The following SPAG9 variants were observed in gnomAD, a reference collection of about 807,000 sequenced individuals.
SPAG9 encodes sperm associated antigen 9.
In SPAG9, 35 loss-of-function variants were observed where a neutral mutation model predicts 166.5. That is an observed-to-expected ratio of 0.21 (90% CI 0.16 to 0.28). The LOEUF (loss-of-function observed/expected upper bound fraction) is 0.28, where lower values mean the gene tolerates loss of function less well. Ranked by LOEUF, SPAG9 falls within the 10% of genes least tolerant of loss-of-function variation. The pLI is 1.00. For synonymous variants in SPAG9, 534 were observed against 565.5 expected (o/e 0.94, Z 0.79); for missense variants, 1,235 against 1,603.3 (o/e 0.77, Z 3.92).
chr17:51,031,686 G>C lies in SPAG9; in HGVS notation c.778C>G (p.Gln260Glu). The C allele has an allele frequency of 1.9e-6, 3 of 1,550,846 alleles. No individual in the cohort carries two copies. Among genetic ancestry groups the C allele is most frequent in the Non-Finnish European group, 2.6e-6 (3 of 1,146,342 alleles). Residue 260 changes from glutamine (Q) to glutamate (E), a missense_variant, in exon 6 of 30, where the codon CAG becomes GAG. Physicochemically the swap from Gln to Glu is conservative, Grantham distance 29. This residue lies in a region of SPAG9 where 288 missense variants were observed against 323.7 expected (regional missense o/e 0.89). Coordinates refer to ENST00000262013, the MANE Select transcript of SPAG9 (RefSeq NM_001130528.3). ...NSPEPQKAVEQEDELSDVSQG... is the reference protein window; with the variant it reads ...NSPEPQKAVEEEDELSDVSQG... Reference sequence around the variant, plus strand: ...TTAAGAAGCACCATTCTCACCTCCTGTTCTACAGCCTTCTGAGGTTCAGGA... The same window carrying C: ...TTAAGAAGCACCATTCTCACCTCCTCTTCTACAGCCTTCTGAGGTTCAGGA...
intron 6 of SPAG9, among the ~76,000 whole-genome samples, chr17:51,024,216 C>T (rs1186675515): frequency 1.3e-5 from 2 of 152,010 alleles, no homozygotes; most frequent in African/African-American, 4.8e-5. Context: ...GCTGAGATCG[C>T]ACCACCGCAC....
Position 51,095,021 on chromosome 17 carries a change from C to T in SPAG9, c.304-15317G>A, listed in dbSNP as rs372321440. Among the ~76,000 whole-genome samples the T allele has an allele frequency of 5.3e-5, 8 of 152,200 alleles. No homozygotes were observed. The South Asian group carries it at 1.5e-3, about 28-fold the overall frequency. On this transcript the variant is annotated intron_variant, in intron 1 of 29. Coordinates refer to ENST00000262013, the MANE Select transcript of SPAG9 (RefSeq NM_001130528.3). Reference sequence around the variant, plus strand: ...AATAAGAAGTGGTGGCCAGGCTGGGCGCGGTGGCTGACGCCTGTAATCCCA... The same window carrying T: ...AATAAGAAGTGGTGGCCAGGCTGGGTGCGGTGGCTGACGCCTGTAATCCCA...
chr17:51,107,772 G>A (rs968720960), intron 1 of SPAG9, among the ~76,000 whole-genome samples: 22 of 150,786 alleles, frequency 1.5e-4, no homozygotes, highest in Non-Finnish European at 2.8e-4. Context: ...AATAATAGAT[G>A]TTGCATGTGG....
intron 2 of SPAG9, among the ~76,000 whole-genome samples, chr17:51,067,981 T>C (rs529481016): frequency 2.0e-5 from 3 of 152,296 alleles, no homozygotes; most frequent in Middle Eastern, 6.8e-3. Context: ...TCCATCTCTG[T>C]TGTCTTCTGC....
At chr17:51,039,038 A>G (rs1276109365) in intron 5 of SPAG9, among the ~76,000 whole-genome samples, 1 of 152,180 alleles carries the variant, frequency 6.6e-6, no homozygotes, top group African/African-American at 2.4e-5. Flanking sequence ...CTTTACAATC[A>G]CTGGCAAATC....
At chr17:51,088,187 T>C (rs2144674092) in intron 1 of SPAG9, among the ~76,000 whole-genome samples, 1 of 152,306 alleles carries the variant, frequency 6.6e-6, no homozygotes, top group East Asian at 1.9e-4. Flanking sequence ...AAAGAAAAAC[T>C]TGTCATAGTT....
At chr17:51,051,761 A>G (rs893764166) in intron 3 of SPAG9, among the ~76,000 whole-genome samples, 3 of 152,186 alleles carry the variant, frequency 2.0e-5, no homozygotes, top group Non-Finnish European at 2.9e-5. Context: ...CCTGGCTTCA[A>G]ATCTAGTCAC....
intron 9 of SPAG9, among the ~76,000 whole-genome samples, chr17:51,011,287 T>G (rs906362164): frequency 6.7e-6 from 1 of 149,762 alleles, no homozygotes; most frequent in Non-Finnish European, 1.5e-5. Context: ...CGTAGTGAGA[T>G]CTCACCTCAA....
intron 1 of SPAG9, among the ~76,000 whole-genome samples, chr17:51,089,993 T>TA (rs2048421913): frequency 6.6e-6 from 1 of 151,620 alleles, no homozygotes; most frequent in South Asian, 2.1e-4. Context: ...ACTATTTTTT[T>TA]AAAAAAGAGA....
At chr17:50,981,774 T>C (rs1438981742) in intron 25 of SPAG9, among the ~76,000 whole-genome samples, 1 of 150,446 alleles carries the variant, frequency 6.6e-6, no homozygotes, top group African/African-American at 2.4e-5. Context: ...GGCTCATGCC[T>C]TAACCCCAGG....
intron 9 of SPAG9, among the ~76,000 whole-genome samples, chr17:51,011,116 A>G (rs543887358): frequency 5.9e-5 from 9 of 152,254 alleles, no homozygotes; most frequent in African/African-American, 1.7e-4. Context: ...GGGATGAGAC[A>G]CCAATCAAGA....
At chr17:51,096,347 TCAAAAAAAAA>T (rs1326197092) in intron 1 of SPAG9, among the ~76,000 whole-genome samples, 6 of 149,478 alleles carry the variant, frequency 4.0e-5, no homozygotes, top group East Asian at 2.0e-4. Context: ...AGACTCTGTC[TCAAAAAAAAA>T]CAAAAAAAAG....
chr17:51,065,105 T>C (rs1296235109), intron 2 of SPAG9, among the ~76,000 whole-genome samples: 1 of 152,124 alleles, frequency 6.6e-6, no homozygotes, highest in Non-Finnish European at 1.5e-5. Context: ...CCTGGGCAAC[T>C]AGAACAAAAT....
chr17:50,998,441 T>TA lies in SPAG9; in HGVS notation c.1838+2dup. The TA allele has an allele frequency of 6.2e-7, 1 of 1,611,198 alleles. No homozygotes were observed. Among genetic ancestry groups the TA allele is most frequent in the Non-Finnish European group, 8.5e-7 (1 of 1,178,596 alleles). ...TATAATGATTAATTTGGAAAAGACT[T>TA]ACTCTTCACTAAGGAAATCAAAGGC... is the stretch of plus-strand genomic sequence containing the variant. On this transcript the variant is annotated splice_region_variant and intron_variant, in intron 15 of 29. Transcript: ENST00000262013.
At chr17:51,084,278 T>C (rs1338863400) in intron 1 of SPAG9, 1 of 152,154 alleles carries the variant, frequency 6.6e-6, no homozygotes, top group Non-Finnish European at 1.5e-5. Flanking sequence ...TTTGCCTTGA[T>C]ATATAAGCAA....
intron 16 of SPAG9, 100 bp downstream of exon 16, chr17:50,996,465 G>T: frequency 1.5e-6 from 2 of 1,374,444 alleles, no homozygotes; most frequent in Non-Finnish European, 1.0e-6. Flanking sequence ...CGGCTGAGAT[G>T]AGCAGGGCTG....
chr17:51,098,831 G>A (rs1365622217), intron 1 of SPAG9, among the ~76,000 whole-genome samples: 1 of 151,734 alleles, frequency 6.6e-6, no homozygotes, highest in African/African-American at 2.4e-5. Flanking sequence ...GCCGGGCACA[G>A]TGGCTCACGC....
At chr17:50,995,924 CA>C (rs1364603276) in intron 16 of SPAG9, 1 of 168,910 alleles carries the variant, frequency 5.9e-6, no homozygotes, top group African/African-American at 2.4e-5. Flanking sequence ...CTTGGCCTCC[CA>C]AAGTGTTAGG....
At chr17:51,113,146 G>A (rs1318609083) in intron 1 of SPAG9, among the ~76,000 whole-genome samples, 5 of 151,614 alleles carry the variant, frequency 3.3e-5, no homozygotes. Flanking sequence ...CTGAGGTTGG[G>A]AGTTCGAGAC....
Sources: allele counts gnomAD v4.1 joint callset (sites outside exome capture counted in the v4.1 genomes callset), GRCh38; gene constraint gnomAD v4.1.1; regional missense constraint gnomAD v4.1.1; transcripts MANE v1.5; gene names NCBI Gene and HGNC (gene_info 2026-07-23, HGNC 2026-07-21).